BRIP1: variants seen among roughly 807,000 people sequenced by gnomAD.
BRIP1 encodes BRCA1 interacting DNA helicase 1.
A neutral mutation model predicts 119.7 loss-of-function variants in BRIP1; 88 were observed. The observed-to-expected ratio is 0.74, with a 90% CI of 0.62 to 0.88. BRIP1 has a LOEUF of 0.88. Among genes scored for constraint, BRIP1 ranks in the 40% least tolerant of loss-of-function variants. The pLI is 0.00. For missense variants in BRIP1, 1,259 were observed against 1,455.4 expected (o/e 0.87, Z 2.20); for synonymous variants, 443 against 496.5 (o/e 0.89, Z 1.43).
rs1181623691 is a variant in BRIP1 at position 61,684,511 on chromosome 17, CTAGACT to C, written c.2906-377_2906-372del. ...TAACCAGTGACTGAGAAAAACTTAC[CTAGACT>C]AATTCTTTTATTTAATAAATAAGGA... On this transcript the variant is annotated intron_variant, in intron 19 of 19. Coordinates refer to ENST00000259008, the MANE Select transcript of BRIP1 (RefSeq NM_032043.3). The surrounding 1 kb of genome is among the most constrained non-coding windows in gnomAD (Gnocchi z 4.5). 2.6e-5 allele frequency among the ~76,000 whole-genome samples: 4 copies of C among 152,062 alleles called. No individual in the cohort carries two copies. The highest frequency in any genetic ancestry group is 6.5e-5 in the Admixed American group (1 of 15,278).
chr17:61,810,259 G>A lies in BRIP1; in HGVS notation c.628-1502C>T, dbSNP rs562447241. 3.0e-4 allele frequency among the ~76,000 whole-genome samples: 46 copies of A among 152,050 alleles called. No homozygotes were observed. Among genetic ancestry groups the A allele is most frequent in the Non-Finnish European group, 5.4e-4 (37 of 68,002 alleles). On this transcript the variant is annotated intron_variant, in intron 6 of 19. Coordinates refer to ENST00000259008, the MANE Select transcript of BRIP1 (RefSeq NM_032043.3). This position sits in a 1 kb window ranked among gnomAD's most constrained non-coding sequence, Gnocchi z 4.7. ...AGGATAAAAAGAAGAGTTATGAATGGGGCTCTTGTCAACAGTGAGGCAGGA... is the reference window on the plus strand; with the variant it reads ...AGGATAAAAAGAAGAGTTATGAATGAGGCTCTTGTCAACAGTGAGGCAGGA...
chr17:61,843,835 T>G lies in BRIP1; in HGVS notation c.627+3266A>C, dbSNP rs940353020. 6.6e-6 allele frequency among the ~76,000 whole-genome samples: 1 copy of G among 152,178 alleles called. No individual in the cohort carries two copies. Among genetic ancestry groups the G allele is most frequent in the African/African-American group, 2.4e-5 (1 of 41,452 alleles). On this transcript the variant is annotated intron_variant, in intron 6 of 19. Transcript: ENST00000259008. This position sits in a 1 kb window ranked among gnomAD's most constrained non-coding sequence, Gnocchi z 5.7. ...AACAATTCAAACAGACTATCACAGC[T>G]TGGCTGTAGTAATAATTTCACTATG...
intron 16 of BRIP1, among the ~76,000 whole-genome samples, chr17:61,737,933 C>A (rs1017018195): frequency 6.6e-6 from 1 of 152,130 alleles, no homozygotes; most frequent in African/African-American, 2.4e-5. Flanking sequence ...TGTGCATGGA[C>A]GTGTTTTGGG....
In BRIP1 at chr17:61,841,835, C is replaced by T. The variant is rs979185670; in HGVS notation, c.627+5266G>A. 7.9e-5 allele frequency among the ~76,000 whole-genome samples: 12 copies of T among 152,096 alleles called. No homozygotes were observed. The highest frequency in any genetic ancestry group is 2.1e-4 in the South Asian group (1 of 4,814). On this transcript the variant is annotated intron_variant, in intron 6 of 19. Coordinates refer to ENST00000259008, the MANE Select transcript of BRIP1 (RefSeq NM_032043.3). This position sits in a 1 kb window ranked among gnomAD's most constrained non-coding sequence, Gnocchi z 4.1. ...CTAGGACTGCAGGCACGTACCACCA[C>T]GCCTGGCTAATTTTTTTAAAAATTT...
At position 61,834,497 on chromosome 17, in the gene BRIP1, G is replaced by A. The variant is rs185034755; in HGVS notation, c.627+12604C>T. Among the ~76,000 whole-genome samples the A allele has an allele frequency of 1.3e-3, 203 of 152,092 alleles. 1 individual carries two copies. Among genetic ancestry groups the A allele is most frequent in the African/African-American group, 4.5e-3 (188 of 41,486 alleles). ...TGGGTATATATGTAATATATACTAC[G>A]TAACAAAAATGGCAACAAATTCTAC... is the stretch of plus-strand genomic sequence containing the variant. On this transcript the variant is annotated intron_variant, in intron 6 of 19. Coordinates refer to ENST00000259008, the MANE Select transcript of BRIP1 (RefSeq NM_032043.3). The surrounding 1 kb of genome is among the most constrained non-coding windows in gnomAD (Gnocchi z 4.4).
rs2077143786 is a variant in BRIP1 at position 61,752,409 on chromosome 17, C to G, written c.2098-7818G>C. On this transcript the variant is annotated intron_variant, in intron 14 of 19. Coordinates refer to ENST00000259008, the MANE Select transcript of BRIP1 (RefSeq NM_032043.3). This position sits in a 1 kb window ranked among gnomAD's most constrained non-coding sequence, Gnocchi z 6.2. ...TTTCCATTTCAAATGGAGGCAAAGG[C>G]CCACTAGAAGATTATCTAGGGAAAT... 6.6e-6 allele frequency among the ~76,000 whole-genome samples: 1 copy of G among 152,100 alleles called. No homozygotes were observed. Among genetic ancestry groups the G allele is most frequent in the African/African-American group, 2.4e-5 (1 of 41,434 alleles).
At position 61,683,710 on chromosome 17, in the gene BRIP1, A is replaced by G. The variant is rs369843642; in HGVS notation, c.3336T>C (p.Asp1112=). 53 of 1,613,990 alleles carry G rather than the reference A, an allele frequency of 3.3e-5. No homozygotes were observed. In the East Asian group the frequency reaches 4.0e-4, roughly 12 times the overall value. ...DIELSLVSEE[D]KQSTSNRDFE... ...AATCTCTATTTGAAGTGGACTGTTT[A>G]TCTTCTTCACTTACTAGAGACAATT... Residue 1112 remains aspartate, a synonymous_variant, in exon 20 of 20, where the codon GAT becomes GAC. Coordinates refer to ENST00000259008, the MANE Select transcript of BRIP1 (RefSeq NM_032043.3). The surrounding 1 kb of genome is among the most constrained non-coding windows in gnomAD (Gnocchi z 4.7).
In BRIP1 at chr17:61,803,615, C is replaced by G. The variant is rs1286008098; in HGVS notation, c.919-2141G>C. 6.6e-6 allele frequency among the ~76,000 whole-genome samples: 1 copy of G among 151,722 alleles called. No individual in the cohort carries two copies. Among genetic ancestry groups the G allele is most frequent in the Non-Finnish European group, 1.5e-5 (1 of 67,942 alleles). On this transcript the variant is annotated intron_variant, in intron 7 of 19. Transcript: ENST00000259008. The surrounding 1 kb of genome is among the most constrained non-coding windows in gnomAD (Gnocchi z 4.3). ...TCCAGCCTGGGCAACAGAGTGAGAT[C>G]CTGTCTCAAAAAAAAATACTCATTA...
Position 61,834,992 on chromosome 17 carries a change from C to T in BRIP1, c.627+12109G>A, listed in dbSNP as rs564635797. ...AGATAACATTGCATGTGTGTGTGCACGCACATGTGCGCACTTAAGAATAGA... is the reference window on the plus strand; with the variant it reads ...AGATAACATTGCATGTGTGTGTGCATGCACATGTGCGCACTTAAGAATAGA... On this transcript the variant is annotated intron_variant, in intron 6 of 19. Transcript: ENST00000259008. The surrounding 1 kb of genome is among the most constrained non-coding windows in gnomAD (Gnocchi z 4.4). Among the ~76,000 whole-genome samples the T allele has an allele frequency of 2.6e-5, 4 of 152,274 alleles. No individual in the cohort carries two copies. Among genetic ancestry groups the T allele is most frequent in the African/African-American group, 4.8e-5 (2 of 41,550 alleles).
Position 61,686,247 on chromosome 17 carries a change from T to C in BRIP1, c.2576-82A>G. 1 of 1,245,356 alleles carries C rather than the reference T, an allele frequency of 8.0e-7. No individual in the cohort carries two copies. The highest frequency in any genetic ancestry group is 1.5e-5 in the African/African-American group (1 of 67,352). 77.1% of individuals were successfully genotyped at this position (1,245,356 alleles called of 1,614,324 possible). A position where few individuals can be genotyped will look rare whatever the true frequency, so the allele number is the denominator to read the frequency against. On this transcript the variant is annotated intron_variant, in intron 18 of 19. Transcript: ENST00000259008. The surrounding 1 kb of genome is among the most constrained non-coding windows in gnomAD (Gnocchi z 5.4). Reference sequence around the variant, plus strand: ...ATGCTAAGGTAATACACTTGCTTTTTCTAGTGAAGTAACCTAATTTGTATT... The same window carrying C: ...ATGCTAAGGTAATACACTTGCTTTTCCTAGTGAAGTAACCTAATTTGTATT...
Position 61,729,096 on chromosome 17 carries a change from C to T in BRIP1, c.2380-13033G>A, listed in dbSNP as rs2144549640. On this transcript the variant is annotated intron_variant, in intron 16 of 19. Transcript: ENST00000259008. The surrounding 1 kb of genome is among the most constrained non-coding windows in gnomAD (Gnocchi z 5.6). ...GGGAGTTCGAGACCAGCCTGACCAA[C>T]ATAGAGACACCCCATCTCTACTAAA... Among the ~76,000 whole-genome samples, 1 of 152,032 alleles carries T rather than the reference C, an allele frequency of 6.6e-6. No homozygotes were observed. Among genetic ancestry groups the T allele is most frequent in the Middle Eastern group, 3.4e-3 (1 of 290 alleles).
intron 14 of BRIP1, among the ~76,000 whole-genome samples, chr17:61,764,672 G>A (rs1458373183): frequency 6.6e-6 from 1 of 152,106 alleles, no homozygotes; most frequent in Non-Finnish European, 1.5e-5. Flanking sequence ...TCCATATCAA[G>A]CTCAAAAATT....
chr17:61,748,933 T>C lies in BRIP1; in HGVS notation c.2098-4342A>G, dbSNP rs548662817. Among the ~76,000 whole-genome samples, 35 of 152,116 alleles carry C rather than the reference T, an allele frequency of 2.3e-4. No homozygotes were observed. The South Asian group carries it at 4.4e-3, about 19-fold the overall frequency. ...CGGGCAGATCACGAGGTCAGGAGAT[T>C]GAGACCATCCTGGCTAACACGGTGA... On this transcript the variant is annotated intron_variant, in intron 14 of 19. Transcript: ENST00000259008. This position sits in a 1 kb window ranked among gnomAD's most constrained non-coding sequence, Gnocchi z 4.7.
Position 61,780,325 on chromosome 17 carries a change from G to T in BRIP1, c.1871C>A (p.Ser624Ter), listed in dbSNP as rs587781321. 48 of 1,610,912 alleles carry T rather than the reference G, an allele frequency of 3.0e-5. No homozygotes were observed. The highest frequency in any genetic ancestry group is 4.0e-5 in the African/African-American group (3 of 74,830). Residue 624 changes from serine (S) to a stop codon, truncating the protein, a stop_gained, in exon 13 of 20, where the codon TCG (serine) becomes TAG (stop). Transcript: ENST00000259008. LOFTEE classifies it high-confidence loss of function. This position sits in a 1 kb window ranked among gnomAD's most constrained non-coding sequence, Gnocchi z 5.4. ...SGTLSPMKSF[S>*]SELGVTFTIQ... ...AGTAAATGTAACACCAAGTTCTGACGAAAAGGATTTCATTGGTGATAATGT... is the reference window on the plus strand; with the variant it reads ...AGTAAATGTAACACCAAGTTCTGACTAAAAGGATTTCATTGGTGATAATGT...
chr17:61,849,120 T>G lies in BRIP1; in HGVS notation c.507+9A>C. On this transcript the variant is annotated intron_variant, in intron 5 of 19. Transcript: ENST00000259008. ...ACTGGGTTATTTACTGCCAATAAAC[T>G]CTGTTTACCTGCTGTGTAGTTTCTA... is the stretch of plus-strand genomic sequence containing the variant. 1 of 1,613,472 alleles carries G rather than the reference T, an allele frequency of 6.2e-7. No homozygotes were observed. The highest frequency in any genetic ancestry group is 8.5e-7 in the Non-Finnish European group (1 of 1,179,634).
Position 61,699,993 on chromosome 17 carries a change from G to C in BRIP1, c.2493-6481C>G, listed in dbSNP as rs1047990951. ...GAGGACACTTGGAAGCTTAAGACTG[G>C]CTCCCTAGACTTTGTCCCATGCACA... is the stretch of plus-strand genomic sequence containing the variant. On this transcript the variant is annotated intron_variant, in intron 17 of 19. Transcript: ENST00000259008. This position sits in a 1 kb window ranked among gnomAD's most constrained non-coding sequence, Gnocchi z 4.8. Among the ~76,000 whole-genome samples the C allele has an allele frequency of 3.3e-5, 5 of 152,076 alleles. No homozygotes were observed. In the South Asian group the frequency reaches 1.0e-3, roughly 32 times the overall value.
Position 61,729,845 on chromosome 17 carries a change from C to G in BRIP1, c.2379+13168G>C, listed in dbSNP as rs1201596142. 6.6e-6 allele frequency among the ~76,000 whole-genome samples: 1 copy of G among 151,940 alleles called. No homozygotes were observed. The highest frequency in any genetic ancestry group is 1.5e-5 in the Non-Finnish European group (1 of 68,018). On this transcript the variant is annotated intron_variant, in intron 16 of 19. Coordinates refer to ENST00000259008, the MANE Select transcript of BRIP1 (RefSeq NM_032043.3). This position sits in a 1 kb window ranked among gnomAD's most constrained non-coding sequence, Gnocchi z 5.6. ...CTAGAGATATTTTGGGTTATCACAA[C>G]TGGTGGCAGGGTGACCGTGGGGGGT...
At chr17:61,858,760 A>G (rs1404192016) in intron 3 of BRIP1, among the ~76,000 whole-genome samples, 2 of 152,188 alleles carry the variant, frequency 1.3e-5, no homozygotes, top group Non-Finnish European at 2.9e-5. Context: ...TACACATACC[A>G]TGTTTAACCT....
chr17:61,732,435 G>A (rs2076860927), intron 16 of BRIP1, among the ~76,000 whole-genome samples: 1 of 152,120 alleles, frequency 6.6e-6, no homozygotes, highest in Non-Finnish European at 1.5e-5. Context: ...AGGCAAGTTA[G>A]TCAAAGTAAA....
Sources: allele counts gnomAD v4.1 joint callset (sites outside exome capture counted in the v4.1 genomes callset), GRCh38; gene constraint gnomAD v4.1.1; non-coding constraint Gnocchi (gnomAD v3.1); transcripts MANE v1.5; gene names NCBI Gene and HGNC (gene_info 2026-07-23, HGNC 2026-07-21).